Variants in ZNF780A observed in about 807,000 individuals in gnomAD.
ZNF780A encodes the protein zinc finger protein 780A.
ZNF780A carries 40 observed loss-of-function variants against 56.7 expected under a neutral mutation model. That is an observed-to-expected ratio of 0.71 (90% confidence interval 0.55 to 0.92). The LOEUF (loss-of-function observed/expected upper bound fraction) is 0.92. Among genes scored for constraint, ZNF780A ranks in the 40% least tolerant of loss-of-function variants. ZNF780A has a pLI of 0.00. For missense variants in ZNF780A, 672 were observed against 783.3 expected (o/e 0.86, Z 1.70); for synonymous variants, 231 against 248.3 (o/e 0.93, Z 0.66).
chr19:40,084,923 A>G (rs1449879952), intron 2 of ZNF780A, 125 bp from the exon 3 acceptor site: 2 of 1,196,038 alleles, frequency 1.7e-6, no homozygotes, highest in Admixed American at 2.2e-5. Context: ...CCCTTCTCCC[A>G]TCACTCCCCT....
intron 5 of ZNF780A, among the ~76,000 whole-genome samples, chr19:40,077,087 G>C (rs1192614997): frequency 1.3e-5 from 2 of 152,068 alleles, no homozygotes; most frequent in African/African-American, 2.4e-5. Context: ...GGAGGCCAAA[G>C]AATCAACGTG....
At chr19:40,085,308 T>C in intron 2 of ZNF780A, 2 of 985,432 alleles carry the variant, frequency 2.0e-6, no homozygotes, top group Non-Finnish European at 2.4e-6. Context: ...ACTGACAGTG[T>C]TCAGCATTCT....
intron 5 of ZNF780A, among the ~76,000 whole-genome samples, chr19:40,079,195 A>G (rs1458526653): frequency 1.3e-5 from 2 of 152,190 alleles, no homozygotes; most frequent in African/African-American, 2.4e-5. Context: ...AGCTATATTT[A>G]TATCAGACAA....
chr19:40,085,923 T>C (rs889909645), intron 2 of ZNF780A, among the ~76,000 whole-genome samples: 5 of 151,666 alleles, frequency 3.3e-5, no homozygotes, highest in African/African-American at 9.7e-5. Context: ...GGAATATATA[T>C]AGTTATATTC....
intron 2 of ZNF780A, among the ~76,000 whole-genome samples, chr19:40,088,265 A>G (rs949784931): frequency 6.6e-6 from 1 of 152,188 alleles, no homozygotes; most frequent in Non-Finnish European, 1.5e-5. Context: ...AACCATATAT[A>G]TGATAAGAGA....
chr19:40,084,831 T>C lies in ZNF780A; in HGVS notation c.-45-33A>G, dbSNP rs770972780. The C allele has an allele frequency of 1.8e-5, 28 of 1,546,554 alleles. No homozygotes were observed. The East Asian group carries it at 3.9e-4, about 22-fold the overall frequency. Reference sequence around the variant, plus strand: ...ACAACAACAACAAAAAGGCCACAATTAAAGCTGTGTCTCAAAAGCAAATAA... The same window carrying C: ...ACAACAACAACAAAAAGGCCACAATCAAAGCTGTGTCTCAAAAGCAAATAA... On this transcript the variant is annotated intron_variant, in intron 2 of 5. Transcript: ENST00000683561.
intron 5 of ZNF780A, among the ~76,000 whole-genome samples, chr19:40,079,654 G>C (rs1023627833): frequency 6.6e-6 from 1 of 152,064 alleles, no homozygotes; most frequent in Non-Finnish European, 1.5e-5. Flanking sequence ...ACATGGAATA[G>C]AATGAGAAAT....
intron 2 of ZNF780A, among the ~76,000 whole-genome samples, chr19:40,085,998 A>G (rs11882318): frequency 0.067 from 9,569 of 142,790 alleles, 968 homozygotes; most frequent in African/African-American, 0.24. Flanking sequence ...ATATATATAT[A>G]TGTGTGTGTG....
chr19:40,072,863 G>C (rs1386362729), downstream of ZNF780A: 1 of 1,538,162 alleles, frequency 6.5e-7, no homozygotes, highest in South Asian at 1.2e-5. Context: ...ACATTCATAG[G>C]ATTTCCAGGC....
intron 5 of ZNF780A, among the ~76,000 whole-genome samples, chr19:40,076,560 T>C (rs1207890217): frequency 6.6e-6 from 1 of 152,186 alleles, no homozygotes; most frequent in East Asian, 1.9e-4. Context: ...ATGTCCAGGA[T>C]ACAATCCAAA....
chr19:40,077,136 TG>T lies in ZNF780A; in HGVS notation c.233-928del, dbSNP rs1974187961. 4.6e-5 allele frequency among the ~76,000 whole-genome samples: 7 copies of T among 152,184 alleles called. No individual in the cohort carries two copies. The South Asian group carries it at 1.4e-3, about 32-fold the overall frequency. ...ATACTAGTACCAGCATACACTATGC[TG>T]GGGCCCCAAAACAGGCACATCTGGA... On this transcript the variant is annotated intron_variant, in intron 5 of 5. Transcript: ENST00000683561.
chr19:40,071,234 G>T (rs1240951212), downstream of ZNF780A: 2 of 152,032 alleles, frequency 1.3e-5, no homozygotes, highest in African/African-American at 4.8e-5. Flanking sequence ...AATCACAAAG[G>T]ATTATTATTG....
chr19:40,075,531 G>A lies in ZNF780A; in HGVS notation c.911C>T (p.Pro304Leu), dbSNP rs183270741. Residue 304 changes from proline to leucine, a missense_variant, in exon 6 of 6, where the codon CCC (proline) becomes CTC (leucine). Coordinates refer to ENST00000683561, the MANE Select transcript of ZNF780A (RefSeq NM_001142578.2). ...QHQKIHSNEK[P>L]FVCKECGMAF... ...CATCCCACATTCCTTACATACAAAG[G>A]GTTTCTCATTGGAATGAATTTTCTG... The A allele has an allele frequency of 6.8e-6, 11 of 1,612,186 alleles. No individual in the cohort carries two copies. The Admixed American group carries it at 1.3e-4, about 20-fold the overall frequency.
At chr19:40,072,882 A>G (rs776419290), downstream of ZNF780A, 28 of 1,549,200 alleles carry the variant, frequency 1.8e-5, 1 homozygote, top group South Asian at 2.5e-4. Context: ...GCTACAATAC[A>G]CTAAAGAGAG....
intron 1 of ZNF780A, chr19:40,090,578 G>A (rs1975108502): frequency 1.3e-5 from 2 of 152,380 alleles, no homozygotes; most frequent in Admixed American, 6.5e-5. Flanking sequence ...GAAGCGGAAA[G>A]AGGGAGGAAG....
chr19:40,081,845 C>T lies in ZNF780A; in HGVS notation c.206G>A (p.Arg69Lys), dbSNP rs868346879. The change falls in exon 5 of 6, where the codon AGG (arginine) becomes AAG (lysine). Residue 69 changes from arginine to lysine, a missense_variant. Transcript: ENST00000683561. Reference sequence around the variant, plus strand: ...TGGATACCGTCTGCTTGTTTCTTTCCTTACAACCATCCAGGGCTCTTTCTC... The same window carrying T: ...TGGATACCGTCTGCTTGTTTCTTTCTTTACAACCATCCAGGGCTCTTTCTC... ...EQEKEPWMVV[R>K]KETSRRYPDL... 2 of 1,612,962 alleles carry T rather than the reference C, an allele frequency of 1.2e-6. No homozygotes were observed. Among genetic ancestry groups the T allele is most frequent in the Non-Finnish European group, 1.7e-6 (2 of 1,179,258 alleles).
rs1475376223 is a variant in ZNF780A at position 40,074,879 on chromosome 19, T to C, written c.1563A>G (p.Lys521=). 1.2e-6 allele frequency: 2 copies of C among 1,613,188 alleles called. No individual in the cohort carries two copies. Among genetic ancestry groups the C allele is most frequent in the Non-Finnish European group, 1.7e-6 (2 of 1,179,706 alleles). Residue 521 remains lysine (K), a synonymous_variant, in exon 6 of 6, where the codon AAA becomes AAG. Transcript: ENST00000683561. The part of the protein sequence containing the change: ...RLYLQLSQHQ[K]THTGEKPFEC... Reference sequence around the variant, plus strand: ...CAAATGGTTTTTCACCTGTGTGAGTTTTCTGATGTTGGGAAAGTTGTAGGT... The same window carrying C: ...CAAATGGTTTTTCACCTGTGTGAGTCTTCTGATGTTGGGAAAGTTGTAGGT...
In ZNF780A at chr19:40,075,923, G is replaced by A; in HGVS notation, c.519C>T (p.Tyr173=). Residue 173 remains tyrosine, a synonymous_variant, in exon 6 of 6, where the codon TAC becomes TAT. Transcript: ENST00000683561. ...GAATAAGATTTGCACTACGACTAAA[G>A]TATTTCCCACATTCCTTACATTCAT... The part of the protein sequence containing the change: ...KPYECKECGK[Y]FSRSANLIQH... The A allele has an allele frequency of 6.2e-7, 1 of 1,614,136 alleles. No homozygotes were observed. The highest frequency in any genetic ancestry group is 8.5e-7 in the Non-Finnish European group (1 of 1,180,000).
intron 5 of ZNF780A, among the ~76,000 whole-genome samples, chr19:40,078,364 A>C (rs906953664): frequency 5.9e-5 from 9 of 152,130 alleles, no homozygotes; most frequent in African/African-American, 2.2e-4. Context: ...AAAGGAAAGA[A>C]AATCTATTTA....
Sources: gnomAD v4.1 joint callset for allele counts (sites outside exome capture counted in the v4.1 genomes callset) on GRCh38, gnomAD v4.1.1 for gene constraint, MANE v1.5 for transcripts, NCBI Gene and HGNC (gene_info 2026-07-23, HGNC 2026-07-21) for gene names.